The following SCML4 variants were observed in gnomAD, a reference collection of about 807,000 sequenced individuals.
SCML4 encodes the protein Scm polycomb group protein like 4, also known as sex comb on midleg-like protein 4.
In SCML4, 34 loss-of-function variants were observed where a neutral mutation model predicts 41.1. The ratio of observed to expected loss-of-function variants is 0.83; its 90% CI spans 0.63 to 1.10. The LOEUF is 1.10. SCML4 is among the 50% of genes least tolerant of loss of function. The pLI, the probability that SCML4 is intolerant of heterozygous loss-of-function variation, is 0.00. For synonymous variants in SCML4, 214 were observed against 220.9 expected (o/e 0.97, Z 0.28); for missense variants, 522 against 534.1 (o/e 0.98, Z 0.22).
intron 1 of SCML4, among the ~76,000 whole-genome samples, chr6:107,812,292 C>G (rs1227325026): frequency 1.3e-5 from 2 of 152,116 alleles, no homozygotes; most frequent in African/African-American, 4.8e-5. Context: ...GATCACAGTC[C>G]CCACAGATGA....
Position 107,749,791 on chromosome 6 carries a change from G to C in SCML4, c.179C>G (p.Thr60Ser). ...CCGCGGAGGTGAGAGGGCTAAGGGA[G>C]TCATGAGAACCCGAGACTTGATCTG... ...GYKIKSRVLMTPLALSPPRST... is the reference protein window; with the variant it reads ...GYKIKSRVLMSPLALSPPRST... Residue 60 changes from threonine (T) to serine (S), a missense_variant, in exon 3 of 8, where the codon ACT (threonine) becomes AGT (serine). Physicochemically the swap from Thr to Ser is moderately conservative, Grantham distance 58. Coordinates refer to ENST00000369020, the MANE Select transcript of SCML4 (RefSeq NM_198081.5). 6.2e-7 allele frequency: 1 copy of C among 1,614,112 alleles called. No individual in the cohort carries two copies. Among genetic ancestry groups the C allele is most frequent in the Non-Finnish European group, 8.5e-7 (1 of 1,179,994 alleles).
chr6:107,803,896 A>G (rs1267697999), intron 1 of SCML4, among the ~76,000 whole-genome samples: 3 of 151,646 alleles, frequency 2.0e-5, no homozygotes, highest in Admixed American at 2.0e-4. Flanking sequence ...TCAAGTACCC[A>G]GGGACACAAA....
At chr6:107,805,808 G>C (rs1467811891) in intron 1 of SCML4, among the ~76,000 whole-genome samples, 1 of 152,124 alleles carries the variant, frequency 6.6e-6, no homozygotes, top group Non-Finnish European at 1.5e-5. Context: ...GGCCTGATGA[G>C]AAACCAGCCT....
chr6:107,792,031 AG>A (rs930054064), intron 1 of SCML4, among the ~76,000 whole-genome samples: 3 of 152,200 alleles, frequency 2.0e-5, no homozygotes, highest in African/African-American at 7.2e-5. Flanking sequence ...GGGGAAGGGG[AG>A]GGGAACAAAT....
At chr6:107,731,844 A>G (rs1166831711) in intron 5 of SCML4, 3 of 152,500 alleles carry the variant, frequency 2.0e-5, no homozygotes, top group African/African-American at 7.2e-5. Context: ...GCCATCACCT[A>G]GATAGTACAG....
At chr6:107,826,309 GAAGAA>G (rs1562297170), upstream of SCML4, among the ~76,000 whole-genome samples, 2 of 149,902 alleles carry the variant, frequency 1.3e-5, no homozygotes, top group Admixed American at 6.7e-5. Flanking sequence ...AAAAGAAAAA[GAAGAA>G]AAGAAAAGGA....
chr6:107,726,441 G>T (rs186876152), intron 5 of SCML4, among the ~76,000 whole-genome samples: 92 of 148,668 alleles, frequency 6.2e-4, no homozygotes, highest in Non-Finnish European at 1.1e-3. Context: ...GCTGAGGCAG[G>T]AGAATGGCGT....
intron 1 of SCML4, among the ~76,000 whole-genome samples, chr6:107,806,192 C>CG (rs893832325): frequency 2.5e-4 from 6 of 23,974 alleles, no homozygotes; most frequent in East Asian, 0.017. Flanking sequence ...GATTTCCCCC[C>CG]CCCCAATAAA....
the SCML4 span, among the ~76,000 whole-genome samples, chr6:107,832,147 G>A: frequency 7.9e-5 from 12 of 152,230 alleles, no homozygotes; most frequent in Admixed American, 3.3e-4. Flanking sequence ...GCTGAGGCAC[G>A]AGAATCGTTT....
At chr6:107,740,593 T>A (rs1476086343) in intron 5 of SCML4, among the ~76,000 whole-genome samples, 1 of 152,174 alleles carries the variant, frequency 6.6e-6, no homozygotes, top group African/African-American at 2.4e-5. Context: ...AAGACATAGA[T>A]CTGCAGCAGG....
In SCML4 at chr6:107,824,173, G is replaced by A. The variant is rs886519523; in HGVS notation, c.-107C>T. 12 of 152,220 alleles carry A rather than the reference G, an allele frequency of 7.9e-5. No homozygotes were observed. Among genetic ancestry groups the A allele is most frequent in the African/African-American group, 2.9e-4 (12 of 41,456 alleles). The allele number at this position is 152,220 out of a possible 1,614,324, so 9.4% of individuals were successfully genotyped here. A position where few individuals can be genotyped will look rare whatever the true frequency, so the allele number is the denominator to read the frequency against. On this transcript the variant is annotated 5_prime_UTR_variant, in exon 1 of 8. Coordinates refer to ENST00000369020, the MANE Select transcript of SCML4 (RefSeq NM_198081.5). ...CTGAGCAGGTTGTTTACCAGGTCGGGAGTGTTGACTCAGAAGACAGATGAC... is the reference window on the plus strand; with the variant it reads ...CTGAGCAGGTTGTTTACCAGGTCGGAAGTGTTGACTCAGAAGACAGATGAC...
chr6:107,720,245 G>A (rs1775232300), intron 6 of SCML4: 2 of 672,374 alleles, frequency 3.0e-6, no homozygotes, highest in Non-Finnish European at 1.8e-6. Context: ...TGGAAGTGAT[G>A]AGCATCACTT....
Position 107,713,806 on chromosome 6 carries a change from G to GCAT in SCML4, c.974-5798_974-5796dup, listed in dbSNP as rs1228491647. On this transcript the variant is annotated intron_variant, in intron 6 of 7. Coordinates refer to ENST00000369020, the MANE Select transcript of SCML4 (RefSeq NM_198081.5). ...GGAAGGGGAGGGAGATCTGTTCTCA[G>GCAT]CATCTCCAAGTGACCTGCTCCCACT... Among the ~76,000 whole-genome samples, 37 of 152,138 alleles carry GCAT rather than the reference G, an allele frequency of 2.4e-4. 1 individual carries two copies. The highest frequency in any genetic ancestry group is 4.4e-5 in the Non-Finnish European group (3 of 68,032).
intron 6 of SCML4, among the ~76,000 whole-genome samples, chr6:107,711,787 C>A (rs1212912214): frequency 6.6e-6 from 1 of 152,158 alleles, no homozygotes; most frequent in Non-Finnish European, 1.5e-5. Flanking sequence ...AGTTGAGAAG[C>A]CTTCACTTTA....
chr6:107,811,793 G>A (rs899983931), intron 1 of SCML4, among the ~76,000 whole-genome samples: 19 of 152,286 alleles, frequency 1.2e-4, no homozygotes, highest in South Asian at 2.1e-4. Flanking sequence ...GTGCCAAACA[G>A]CATCATCTAA....
chr6:107,768,693 C>A (rs1780272794), intron 2 of SCML4, among the ~76,000 whole-genome samples: 1 of 152,192 alleles, frequency 6.6e-6, no homozygotes, highest in Admixed American at 6.5e-5. Flanking sequence ...GAAATACACA[C>A]AAAATGCTTC....
chr6:107,772,432 T>G, intron 1 of SCML4, 46 bp from the exon 2 acceptor site: 1 of 1,149,724 alleles, frequency 8.7e-7, no homozygotes, highest in South Asian at 1.7e-5. Flanking sequence ...CAGAAGGGTT[T>G]GTTTGGTTTG....
intron 5 of SCML4, among the ~76,000 whole-genome samples, chr6:107,730,126 G>A (rs888392514): frequency 3.3e-5 from 5 of 152,160 alleles, no homozygotes. Flanking sequence ...ATTGAACTGT[G>A]ACATATGTTT....
At chr6:107,740,286 C>G (rs566005104) in intron 5 of SCML4, 8 of 401,038 alleles carry the variant, frequency 2.0e-5, no homozygotes, top group African/African-American at 1.7e-4. Flanking sequence ...TGGTGGAAAG[C>G]CAGTTTTACA....
Sources: gnomAD v4.1 joint callset for allele counts (sites outside exome capture counted in the v4.1 genomes callset) on GRCh38, gnomAD v4.1.1 for gene constraint, MANE v1.5 for transcripts, NCBI Gene and HGNC (gene_info 2026-07-23, HGNC 2026-07-21) for gene names.